BCKDHB: variants seen among roughly 807,000 people sequenced by gnomAD.
BCKDHB encodes branched chain keto acid dehydrogenase E1 subunit beta.
In BCKDHB, 41 loss-of-function variants were observed where a neutral mutation model predicts 48.5. The ratio of observed to expected loss-of-function variants is 0.85; its 90% CI spans 0.66 to 1.10. The LOEUF is 1.10. Ranked by LOEUF, BCKDHB falls within the 50% of genes least tolerant of loss-of-function variation. The pLI, the probability that BCKDHB is intolerant of heterozygous loss-of-function variation, is 0.00. For missense variants in BCKDHB, 496 were observed against 494.2 expected (o/e 1.00, Z -0.03); for synonymous variants, 201 against 174.8 (o/e 1.15, Z -1.18).
intron 9 of BCKDHB, among the ~76,000 whole-genome samples, chr6:80,325,796 G>GT (rs1172041082): frequency 5.9e-5 from 9 of 152,256 alleles, no homozygotes; most frequent in African/African-American, 2.2e-4. Context: ...CATAACCCCA[G>GT]TTCAGTCATG....
At chr6:80,431,221 A>C in the BCKDHB span, among the ~76,000 whole-genome samples, 1 of 152,172 alleles carries the variant, frequency 6.6e-6, no homozygotes, top group South Asian at 2.1e-4. Context: ...GCATTTGCTG[A>C]GGAGTGTTTT....
At chr6:80,408,277 TG>T in the BCKDHB span, among the ~76,000 whole-genome samples, 1 of 152,194 alleles carries the variant, frequency 6.6e-6, no homozygotes, top group East Asian at 1.9e-4. Flanking sequence ...TGAGGATTTT[TG>T]CATCAATGTT....
chr6:80,325,496 G>A (rs2128005080), intron 9 of BCKDHB, among the ~76,000 whole-genome samples: 1 of 152,278 alleles, frequency 6.6e-6, no homozygotes, highest in East Asian at 1.9e-4. Context: ...AATGACATTA[G>A]CAGTTGAAAT....
intron 6 of BCKDHB, among the ~76,000 whole-genome samples, chr6:80,199,769 C>T (rs1197057212): frequency 3.4e-5 from 2 of 59,100 alleles, no homozygotes; most frequent in Non-Finnish European, 5.8e-5. Context: ...GAGACTCTGT[C>T]TCAAAAAAAA....
At position 80,127,578 on chromosome 6, in the gene BCKDHB, T is replaced by A. The variant is rs761814478; in HGVS notation, c.228T>A (p.Ser76=). The change falls in exon 2 of 10, where the codon TCT becomes TCA. Residue 76 remains serine, a synonymous_variant. Coordinates refer to ENST00000320393, the MANE Select transcript of BCKDHB (RefSeq NM_183050.4). Reference sequence around the variant, plus strand: ...CTCAGAAAATGAATCTTTTCCAGTCTGTAACAAGTGCCTTGGATAACTCAT... The same window carrying A: ...CTCAGAAAATGAATCTTTTCCAGTCAGTAACAAGTGCCTTGGATAACTCAT... ...GQTQKMNLFQ[S]VTSALDNSLA... The A allele has an allele frequency of 6.2e-7, 1 of 1,613,428 alleles. No homozygotes were observed. Among genetic ancestry groups the A allele is most frequent in the Non-Finnish European group, 8.5e-7 (1 of 1,179,506 alleles).
the BCKDHB span, among the ~76,000 whole-genome samples, chr6:80,454,606 C>G: frequency 1.3e-5 from 2 of 152,228 alleles, no homozygotes; most frequent in African/African-American, 4.8e-5. Flanking sequence ...CTCATGGCCT[C>G]TGATCTTCCA....
intron 8 of BCKDHB, among the ~76,000 whole-genome samples, chr6:80,217,419 C>T (rs1775224724): frequency 6.6e-6 from 1 of 152,144 alleles, no homozygotes. Context: ...TAGTTTCTTA[C>T]ATAACTATTT....
At chr6:80,149,974 A>C (rs1369211806) in intron 3 of BCKDHB, among the ~76,000 whole-genome samples, 4 of 91,802 alleles carry the variant, frequency 4.4e-5, no homozygotes, top group African/African-American at 1.8e-4. Flanking sequence ...AACTTAAAGC[A>C]TAATAATAAT....
the BCKDHB span, among the ~76,000 whole-genome samples, chr6:80,394,752 A>G: frequency 6.6e-6 from 1 of 152,168 alleles, no homozygotes. Context: ...GGAGTAGTCT[A>G]ATCCCTGCCT....
intron 1 of BCKDHB, among the ~76,000 whole-genome samples, chr6:80,125,061 C>T (rs1770270658): frequency 6.6e-6 from 1 of 152,178 alleles, no homozygotes; most frequent in African/African-American, 2.4e-5. Context: ...GCTGTTTTGT[C>T]TCCATTGAAA....
intron 9 of BCKDHB, among the ~76,000 whole-genome samples, chr6:80,275,258 A>G (rs1777920012): frequency 6.6e-6 from 1 of 152,064 alleles, no homozygotes; most frequent in East Asian, 1.9e-4. Context: ...ACAGTGGAAT[A>G]TCTGGGATTA....
intron 8 of BCKDHB, among the ~76,000 whole-genome samples, chr6:80,259,011 T>C (rs1476306127): frequency 6.6e-6 from 1 of 152,204 alleles, no homozygotes; most frequent in African/African-American, 2.4e-5. Context: ...TGTCCTGGCA[T>C]GGGGAGTGGT....
intron 1 of BCKDHB, among the ~76,000 whole-genome samples, chr6:80,111,472 G>T (rs2127706621): frequency 6.6e-6 from 1 of 152,272 alleles, no homozygotes. Flanking sequence ...GGACTGGCAG[G>T]GGCTTAATAT....
chr6:80,378,747 C>T, the BCKDHB span, among the ~76,000 whole-genome samples: 275 of 152,176 alleles, frequency 1.8e-3, 2 homozygotes, highest in Admixed American at 2.8e-3. Context: ...AATTTACATT[C>T]CCTCCAACAG....
intron 8 of BCKDHB, among the ~76,000 whole-genome samples, chr6:80,230,300 A>G (rs963559573): frequency 6.6e-6 from 1 of 151,616 alleles, no homozygotes; most frequent in Non-Finnish European, 1.5e-5. Context: ...GGCCTCCCAA[A>G]GTGCTGGGAT....
At chr6:80,238,832 T>G (rs1351777448) in intron 8 of BCKDHB, among the ~76,000 whole-genome samples, 1 of 152,096 alleles carries the variant, frequency 6.6e-6, no homozygotes, top group Admixed American at 6.6e-5. Flanking sequence ...TTCCCACCTA[T>G]GAGTGAGAAC....
the BCKDHB span, among the ~76,000 whole-genome samples, chr6:80,416,923 C>T: frequency 6.6e-6 from 1 of 151,880 alleles, no homozygotes; most frequent in Non-Finnish European, 1.5e-5. Context: ...TATTCTGTCT[C>T]AATTATCTGT....
chr6:80,333,387 C>T (rs937776773), intron 9 of BCKDHB, among the ~76,000 whole-genome samples: 1 of 152,170 alleles, frequency 6.6e-6, no homozygotes, highest in Admixed American at 6.6e-5. Flanking sequence ...TAAATAATAT[C>T]TGTGTGGTTA....
At chr6:80,199,465 T>G in intron 6 of BCKDHB, among the ~76,000 whole-genome samples, 1 of 152,024 alleles carries the variant, frequency 6.6e-6, no homozygotes, top group East Asian at 1.9e-4. Context: ...GCATTTCCAC[T>G]GATAGTATTT....
Sources: gnomAD v4.1 joint callset for allele counts (sites outside exome capture counted in the v4.1 genomes callset) on GRCh38, gnomAD v4.1.1 for gene constraint, MANE v1.5 for transcripts, NCBI Gene and HGNC (gene_info 2026-07-23, HGNC 2026-07-21) for gene names.